The following TECRL variants were observed in gnomAD, a reference collection of about 807,000 sequenced individuals.
The protein encoded by TECRL is trans-2,3-enoyl-CoA reductase like.
In TECRL, 63 loss-of-function variants were observed where a neutral mutation model predicts 52.8. The ratio of observed to expected loss-of-function variants is 1.19; its 90% CI spans 0.97 to 1.47. The LOEUF (loss-of-function observed/expected upper bound fraction) is 1.47. Among genes scored for constraint, TECRL ranks in the 40% most tolerant of loss-of-function variants. The probability of loss-of-function intolerance (pLI) is 0.00; values close to 1 mark genes in which losing one functional copy is unlikely to be tolerated. For missense variants in TECRL, 482 were observed against 429.6 expected, an observed-to-expected ratio of 1.12 and a Z score of -1.08; for synonymous variants, 164 against 141.9, an observed-to-expected ratio of 1.16 and a Z score of -1.10.
At chr4:64,307,105 G>A (rs1288738621) in intron 6 of TECRL, among the ~76,000 whole-genome samples, 5 of 152,174 alleles carry the variant, frequency 3.3e-5, no homozygotes, top group Admixed American at 3.3e-4. Context: ...TGGGCAGGAA[G>A]AAGGGGCTAG....
At chr4:64,319,883 T>A (rs1717778326) in intron 4 of TECRL, among the ~76,000 whole-genome samples, 1 of 151,888 alleles carries the variant, frequency 6.6e-6, no homozygotes, top group Admixed American at 6.6e-5. Context: ...TATAGAGCAT[T>A]TTCCACATGA....
intron 8 of TECRL, chr4:64,298,896 G>A (rs1045433907): frequency 3.3e-5 from 5 of 151,276 alleles, no homozygotes; most frequent in Admixed American, 3.3e-4. Context: ...AACAGGGGTT[G>A]TAGTACGCTG....
chr4:64,401,309 C>T (rs1490437157), intron 1 of TECRL, among the ~76,000 whole-genome samples: 1 of 152,196 alleles, frequency 6.6e-6, no homozygotes, highest in African/African-American at 2.4e-5. Context: ...ACACCATGTA[C>T]TTAATTACAC....
At chr4:64,389,267 T>C (rs546051666) in intron 1 of TECRL, among the ~76,000 whole-genome samples, 4 of 151,946 alleles carry the variant, frequency 2.6e-5, no homozygotes, top group Non-Finnish European at 4.4e-5. Context: ...GGAGATATTA[T>C]TGATGAAGTT....
intron 1 of TECRL, among the ~76,000 whole-genome samples, chr4:64,392,179 A>G (rs1446877282): frequency 6.6e-6 from 1 of 151,914 alleles, no homozygotes; most frequent in Non-Finnish European, 1.5e-5. Context: ...AAATTAGGTT[A>G]GGTTCTTCCA....
chr4:64,372,756 T>TG, intron 2 of TECRL, among the ~76,000 whole-genome samples: 1 of 151,612 alleles, frequency 6.6e-6, no homozygotes, highest in Admixed American at 6.6e-5. Flanking sequence ...AACATATTTT[T>TG]TTTTTCTTCC....
intron 1 of TECRL, among the ~76,000 whole-genome samples, chr4:64,389,985 A>G (rs944642672): frequency 6.6e-6 from 1 of 151,876 alleles, no homozygotes; most frequent in Admixed American, 6.6e-5. Context: ...GCCTTGCTTT[A>G]CAAAGCATTA....
intron 1 of TECRL, among the ~76,000 whole-genome samples, chr4:64,375,464 A>T (rs1352213704): frequency 1.3e-5 from 2 of 151,990 alleles, no homozygotes; most frequent in African/African-American, 2.4e-5. Flanking sequence ...AATTCAATCC[A>T]ATTTGTATCC....
chr4:64,342,562 A>G (rs867588578), intron 2 of TECRL, among the ~76,000 whole-genome samples: 1 of 152,084 alleles, frequency 6.6e-6, no homozygotes, highest in Non-Finnish European at 1.5e-5. Context: ...CTTAACCACC[A>G]AAGTCTGTCC....
chr4:64,378,028 A>G (rs1459612765), intron 1 of TECRL, among the ~76,000 whole-genome samples: 1 of 152,142 alleles, frequency 6.6e-6, no homozygotes, highest in African/African-American at 2.4e-5. Flanking sequence ...AAAACAAAGA[A>G]CTTGTCTAAA....
intron 2 of TECRL, among the ~76,000 whole-genome samples, chr4:64,365,272 C>T (rs1721516072): frequency 6.6e-6 from 1 of 151,062 alleles, no homozygotes; most frequent in Non-Finnish European, 1.5e-5. Flanking sequence ...TGTTTGCCAA[C>T]ATTGTACTAA....
chr4:64,357,016 A>C (rs1720823972), intron 2 of TECRL, among the ~76,000 whole-genome samples: 1 of 152,112 alleles, frequency 6.6e-6, no homozygotes, highest in Non-Finnish European at 1.5e-5. Flanking sequence ...TTTTATGACA[A>C]TGTTCTACCA....
intron 2 of TECRL, among the ~76,000 whole-genome samples, chr4:64,340,414 C>G (rs1719476239): frequency 6.6e-6 from 1 of 152,250 alleles, no homozygotes; most frequent in Non-Finnish European, 1.5e-5. Context: ...TCTGCTCCAG[C>G]TGTCTGGCTT....
At chr4:64,340,416 G>A (rs1262376817) in intron 2 of TECRL, among the ~76,000 whole-genome samples, 3 of 152,232 alleles carry the variant, frequency 2.0e-5, no homozygotes, top group Non-Finnish European at 4.4e-5. Flanking sequence ...TGCTCCAGCT[G>A]TCTGGCTTCT....
intron 5 of TECRL, 37 bp from the exon 6 acceptor site, chr4:64,309,968 TTTG>T (rs747107542): frequency 3.6e-6 from 5 of 1,394,336 alleles, no homozygotes; most frequent in Non-Finnish European, 5.0e-6. Context: ...TGAAAATCCT[TTTG>T]AAGTTCTGGC....
intron 2 of TECRL, among the ~76,000 whole-genome samples, chr4:64,342,965 C>A (rs1719692498): frequency 6.6e-6 from 1 of 151,972 alleles, no homozygotes; most frequent in African/African-American, 2.4e-5. Context: ...TAGTTAAAAT[C>A]TTTACAACTC....
At chr4:64,324,560 A>G (rs1291663956) in intron 3 of TECRL, among the ~76,000 whole-genome samples, 1 of 152,058 alleles carries the variant, frequency 6.6e-6, no homozygotes, top group Non-Finnish European at 1.5e-5. Context: ...GCTTATATTT[A>G]TAATTAAAGG....
At chr4:64,292,235 T>A (rs963965341) in intron 8 of TECRL, among the ~76,000 whole-genome samples, 11 of 152,066 alleles carry the variant, frequency 7.2e-5, no homozygotes, top group African/African-American at 2.4e-4. Context: ...TCTCCTGGAT[T>A]GATGTTTATC....
intron 2 of TECRL, among the ~76,000 whole-genome samples, chr4:64,362,230 G>C (rs1029617195): frequency 6.6e-6 from 1 of 152,000 alleles, no homozygotes; most frequent in Non-Finnish European, 1.5e-5. Context: ...CAACTTATTG[G>C]AATCCCTGAA....
Sources: allele counts gnomAD v4.1 joint callset (sites outside exome capture counted in the v4.1 genomes callset), GRCh38; gene constraint gnomAD v4.1.1; transcripts MANE v1.5; gene names NCBI Gene and HGNC (gene_info 2026-07-23, HGNC 2026-07-21).